EPHA3: variants seen among roughly 807,000 people sequenced by gnomAD.
EPHA3 encodes ephrin type-A receptor 3.
In EPHA3, 42 loss-of-function variants were observed where a neutral mutation model predicts 107.1. The observed-to-expected ratio is 0.39, with a 90% CI of 0.31 to 0.51. The LOEUF (loss-of-function observed/expected upper bound fraction) is 0.51. Among genes scored for constraint, EPHA3 ranks in the 20% least tolerant of loss-of-function variants. The pLI, the probability that EPHA3 is intolerant of heterozygous loss-of-function variation, is 0.78. For synonymous variants in EPHA3, 461 were observed against 424.8 expected (o/e 1.09, Z -1.05); for missense variants, 1,183 against 1,211.2 (o/e 0.98, Z 0.35).
At chr3:89,113,861 C>T (rs571660922) in intron 1 of EPHA3, among the ~76,000 whole-genome samples, 2 of 152,024 alleles carry the variant, frequency 1.3e-5, no homozygotes, top group African/African-American at 2.4e-5. Context: ...AAATGCTTCC[C>T]CCTTTGAATG....
intron 2 of EPHA3, among the ~76,000 whole-genome samples, chr3:89,132,728 C>T (rs1280134723): frequency 6.6e-6 from 1 of 152,006 alleles, no homozygotes; most frequent in Non-Finnish European, 1.5e-5. Flanking sequence ...ATCAATCAAT[C>T]GATCAATAGA....
intron 5 of EPHA3, among the ~76,000 whole-genome samples, chr3:89,345,715 A>G (rs1385447738): frequency 7.3e-6 from 1 of 137,724 alleles, no homozygotes; most frequent in African/African-American, 2.7e-5. Flanking sequence ...CGCTGCACCC[A>G]CTAACTCGTC....
At chr3:89,140,060 T>G (rs943940109) in intron 2 of EPHA3, among the ~76,000 whole-genome samples, 10 of 151,926 alleles carry the variant, frequency 6.6e-5, no homozygotes, top group Admixed American at 2.6e-4. Context: ...TAGCTTTCCA[T>G]TCTCGTGAAT....
intron 5 of EPHA3, among the ~76,000 whole-genome samples, chr3:89,376,324 G>T (rs1405567445): frequency 2.0e-5 from 3 of 151,498 alleles, no homozygotes; most frequent in Non-Finnish European, 4.4e-5. Context: ...TGAGCTTTAT[G>T]TAGGATGTGT....
intron 3 of EPHA3, among the ~76,000 whole-genome samples, chr3:89,223,218 A>G (rs1404774741): frequency 1.3e-5 from 2 of 152,174 alleles, no homozygotes; most frequent in African/African-American, 4.8e-5. Context: ...CCAGTAAATC[A>G]AAATCTCTGC....
At chr3:89,160,307 A>G (rs1275679083) in intron 2 of EPHA3, among the ~76,000 whole-genome samples, 1 of 152,116 alleles carries the variant, frequency 6.6e-6, no homozygotes, top group Non-Finnish European at 1.5e-5. Context: ...GGATATGAAA[A>G]GATAGAAAAA....
chr3:89,151,808 TA>T (rs1704696180), intron 2 of EPHA3, among the ~76,000 whole-genome samples: 1 of 152,022 alleles, frequency 6.6e-6, no homozygotes, highest in African/African-American at 2.4e-5. Context: ...AATAAAAGCA[TA>T]GAATTTAAAT....
chr3:89,276,876 G>T (rs188862097), intron 3 of EPHA3, among the ~76,000 whole-genome samples: 2 of 152,196 alleles, frequency 1.3e-5, no homozygotes, highest in Admixed American at 6.6e-5. Context: ...CTCTTGAAAA[G>T]ATCATAGCAA....
At chr3:89,151,120 C>G in intron 2 of EPHA3, among the ~76,000 whole-genome samples, 1 of 152,120 alleles carries the variant, frequency 6.6e-6, no homozygotes, top group Non-Finnish European at 1.5e-5. Flanking sequence ...GGAAAAGGAA[C>G]AACTGATGAT....
intron 13 of EPHA3, among the ~76,000 whole-genome samples, chr3:89,443,749 A>G (rs1264242556): frequency 6.6e-6 from 1 of 152,162 alleles, no homozygotes; most frequent in African/African-American, 2.4e-5. Flanking sequence ...GAAGGGGGCC[A>G]GGTGGTTATT....
chr3:89,225,458 A>G (rs1448999448), intron 3 of EPHA3, among the ~76,000 whole-genome samples: 3 of 152,192 alleles, frequency 2.0e-5, no homozygotes, highest in Non-Finnish European at 4.4e-5. Flanking sequence ...ATATTGCTAC[A>G]TTTCTCTTAG....
chr3:89,469,253 C>G (rs1710354059), intron 15 of EPHA3, among the ~76,000 whole-genome samples: 1 of 152,140 alleles, frequency 6.6e-6, no homozygotes, highest in Non-Finnish European at 1.5e-5. Flanking sequence ...CAACTTCCCT[C>G]CACTACACAA....
chr3:89,192,523 A>G (rs1705744854), intron 2 of EPHA3, among the ~76,000 whole-genome samples: 1 of 152,074 alleles, frequency 6.6e-6, no homozygotes, highest in African/African-American at 2.4e-5. Context: ...ATACACATCA[A>G]GTAGAAATAA....
chr3:89,200,759 C>T (rs1705949773), intron 2 of EPHA3, among the ~76,000 whole-genome samples: 1 of 152,200 alleles, frequency 6.6e-6, no homozygotes, highest in African/African-American at 2.4e-5. Context: ...TTCACATCGT[C>T]CCCATGGCTG....
chr3:89,363,659 A>G (rs1357789200), intron 5 of EPHA3, among the ~76,000 whole-genome samples: 1 of 150,406 alleles, frequency 6.6e-6, no homozygotes, highest in African/African-American at 2.4e-5. Context: ...AAATTTAACC[A>G]TCATAGTCAG....
At chr3:89,253,049 A>G (rs1231704284) in intron 3 of EPHA3, among the ~76,000 whole-genome samples, 2 of 152,022 alleles carry the variant, frequency 1.3e-5, no homozygotes, top group East Asian at 3.9e-4. Flanking sequence ...AGCAATAGAG[A>G]AAGATTTATG....
At chr3:89,301,117 T>C (rs1706477440) in intron 3 of EPHA3, among the ~76,000 whole-genome samples, 1 of 152,042 alleles carries the variant, frequency 6.6e-6, no homozygotes, top group Non-Finnish European at 1.5e-5. Flanking sequence ...AATGACCAAA[T>C]AAGAAATACC....
chr3:89,149,642 C>A (rs1394871273), intron 2 of EPHA3, among the ~76,000 whole-genome samples: 1 of 139,580 alleles, frequency 7.2e-6, no homozygotes, highest in African/African-American at 2.6e-5. Context: ...CCTCCCCCCT[C>A]CCCACAACAG....
chr3:89,383,911 G>A (rs1708562291), intron 5 of EPHA3, among the ~76,000 whole-genome samples: 1 of 152,024 alleles, frequency 6.6e-6, no homozygotes, highest in Non-Finnish European at 1.5e-5. Flanking sequence ...GCCCCCCAAA[G>A]TGCTGGGATT....
Sources: gnomAD v4.1 joint callset for allele counts (sites outside exome capture counted in the v4.1 genomes callset) on GRCh38, gnomAD v4.1.1 for gene constraint, MANE v1.5 for transcripts, NCBI Gene and HGNC (gene_info 2026-07-23, HGNC 2026-07-21) for gene names.